Variants in B3GLCT observed in about 807,000 individuals in gnomAD.
The protein encoded by B3GLCT is beta-1,3-glucosyltransferase.
B3GLCT carries 65 observed loss-of-function variants against 63.4 expected under a neutral mutation model. The observed-to-expected ratio is 1.03, with a 90% CI of 0.84 to 1.26. The LOEUF (loss-of-function observed/expected upper bound fraction) is 1.26. B3GLCT is among the 50% of genes most tolerant of loss of function. The pLI is 0.00. For missense variants in B3GLCT, 577 were observed against 604.8 expected (o/e 0.95, Z 0.48); for synonymous variants, 233 against 219.2 (o/e 1.06, Z -0.55).
intron 4 of B3GLCT, among the ~76,000 whole-genome samples, chr13:31,243,061 A>C (rs182159175): frequency 1.2e-4 from 19 of 152,340 alleles, no homozygotes; most frequent in African/African-American, 4.6e-4. Context: ...TGTAACAATA[A>C]ACAGATGTTA....
At chr13:31,265,293 C>A (rs111396386) in intron 7 of B3GLCT, among the ~76,000 whole-genome samples, 7,068 of 152,176 alleles carry the variant, frequency 0.046, 175 homozygotes, top group Non-Finnish European at 0.051. Context: ...GACTCTGGAG[C>A]CTGTATAATT....
At chr13:31,309,435 G>A (rs374346855) in intron 12 of B3GLCT, among the ~76,000 whole-genome samples, 5 of 152,256 alleles carry the variant, frequency 3.3e-5, no homozygotes, top group African/African-American at 1.2e-4. Context: ...CAGGTTGACG[G>A]CTCAGTCCCC....
chr13:31,260,815 A>G, intron 6 of B3GLCT, 131 bp from the exon 7 acceptor site: 1 of 804,032 alleles, frequency 1.2e-6, no homozygotes, highest in Non-Finnish European at 2.0e-6. Flanking sequence ...TTCTCTAGAA[A>G]TATTTAATCT....
At chr13:31,315,767 T>G (rs1303091091) in intron 12 of B3GLCT, among the ~76,000 whole-genome samples, 2 of 152,234 alleles carry the variant, frequency 1.3e-5, no homozygotes, top group Non-Finnish European at 2.9e-5. Flanking sequence ...TCTTCACAGC[T>G]GCCCCTTTCA....
intron 7 of B3GLCT, among the ~76,000 whole-genome samples, chr13:31,264,744 C>T (rs955966589): frequency 2.0e-5 from 3 of 152,222 alleles, no homozygotes; most frequent in African/African-American, 7.2e-5. Flanking sequence ...TCAGCTGCAA[C>T]ATTGGATCTT....
intron 1 of B3GLCT, among the ~76,000 whole-genome samples, chr13:31,213,861 A>C (rs1186133974): frequency 6.6e-6 from 1 of 152,092 alleles, no homozygotes; most frequent in Non-Finnish European, 1.5e-5. Flanking sequence ...AATTGTTCAC[A>C]TAGAGGTTCA....
intron 3 of B3GLCT, among the ~76,000 whole-genome samples, chr13:31,225,265 C>A (rs932974054): frequency 2.0e-5 from 3 of 152,092 alleles, no homozygotes; most frequent in Non-Finnish European, 2.9e-5. Flanking sequence ...GAAGTGCAAC[C>A]AAGATGATAA....
chr13:31,278,382 T>C (rs1872898569), intron 10 of B3GLCT, among the ~76,000 whole-genome samples: 1 of 152,226 alleles, frequency 6.6e-6, no homozygotes, highest in African/African-American at 2.4e-5. Context: ...TGAAATCCTT[T>C]TCTGTTTGAA....
intron 1 of B3GLCT, among the ~76,000 whole-genome samples, chr13:31,201,010 TAAA>T (rs11463665): frequency 6.3e-5 from 9 of 143,408 alleles, no homozygotes; most frequent in African/African-American, 2.1e-4. Context: ...TGATAAAAGT[TAAA>T]AAAAAAAAAA....
At position 31,325,792 on chromosome 13, in the gene B3GLCT, A is replaced by G. The variant is rs892023978; in HGVS notation, c.1329+1897A>G. 3.9e-5 allele frequency among the ~76,000 whole-genome samples: 6 copies of G among 152,228 alleles called. No homozygotes were observed. In the South Asian group the frequency reaches 1.2e-3, roughly 31 times the overall value. On this transcript the variant is annotated intron_variant, in intron 14 of 14. Coordinates refer to ENST00000343307, the MANE Select transcript of B3GLCT (RefSeq NM_194318.4). The stretch of plus-strand genomic sequence containing the variant: ...CCAAACTGTGTTTGTTCATCTTCAC[A>G]AAGAAATATGAGGCAAAGAGATAAA...
At chr13:31,209,461 G>T (rs1327270651) in intron 1 of B3GLCT, among the ~76,000 whole-genome samples, 1 of 152,180 alleles carries the variant, frequency 6.6e-6, no homozygotes, top group Non-Finnish European at 1.5e-5. Flanking sequence ...TTGTAAGTAG[G>T]TCACAGGAAA....
rs1875934006 is a variant in B3GLCT, at chr13:31,331,699, G to C, written c.*2031G>C. ...GAGAAAACCATCAGAAATTGATAAT[G>C]TTTATATAAAGTTTATAAAGCCATT... On this transcript the variant is annotated 3_prime_UTR_variant, in exon 15 of 15. Transcript: ENST00000343307. 6.6e-6 allele frequency: 1 copy of C among 152,136 alleles called. No homozygotes were observed. The highest frequency in any genetic ancestry group is 1.5e-5 in the Non-Finnish European group (1 of 68,016). 9.4% of individuals were successfully genotyped at this position (152,136 alleles called of 1,614,324 possible).
rs182701540 is a variant in B3GLCT, at chr13:31,235,962, G to T, written c.270+6668G>T. Among the ~76,000 whole-genome samples the T allele has an allele frequency of 2.4e-3, 358 of 152,298 alleles. 3 individuals carry two copies. The highest frequency in any genetic ancestry group is 8.2e-3 in the African/African-American group (341 of 41,560). ...TTCTGTCACTTACTAATGCCTTCAG[G>T]ATTTATGACAGACTCTGTGTTGTTG... On this transcript the variant is annotated intron_variant, in intron 4 of 14. Transcript: ENST00000343307.
chr13:31,276,418 G>T (rs939823641), intron 9 of B3GLCT, among the ~76,000 whole-genome samples: 1 of 152,072 alleles, frequency 6.6e-6, no homozygotes, highest in Non-Finnish European at 1.5e-5. Context: ...CCTTGCAGTG[G>T]TTATTATTTT....
chr13:31,209,616 C>T (rs1011512783), intron 1 of B3GLCT, among the ~76,000 whole-genome samples: 6 of 152,122 alleles, frequency 3.9e-5, no homozygotes, highest in East Asian at 1.9e-4. Flanking sequence ...CCACAGGTAC[C>T]GGGTTTTATG....
At chr13:31,261,422 G>A (rs1872027638) in intron 7 of B3GLCT, among the ~76,000 whole-genome samples, 1 of 152,224 alleles carries the variant, frequency 6.6e-6, no homozygotes, top group Non-Finnish European at 1.5e-5. Context: ...AGCTATAGGT[G>A]TAACTTTGAT....
intron 12 of B3GLCT, among the ~76,000 whole-genome samples, chr13:31,297,561 C>A (rs1158401843): frequency 2.0e-5 from 3 of 152,066 alleles, no homozygotes; most frequent in Non-Finnish European, 4.4e-5. Flanking sequence ...AGTTCTCCTA[C>A]CCACCAAGCA....
chr13:31,256,755 C>G lies in B3GLCT; in HGVS notation c.460-4191C>G, dbSNP rs142557406. Among the ~76,000 whole-genome samples the G allele has an allele frequency of 2.3e-3, 356 of 152,238 alleles. 2 individuals carry two copies. Among genetic ancestry groups the G allele is most frequent in the African/African-American group, 7.8e-3 (323 of 41,532 alleles). On this transcript the variant is annotated intron_variant, in intron 6 of 14. Transcript: ENST00000343307. Reference sequence around the variant, plus strand: ...CATGGACACAGGGAGGGGAACATCACACACCAGAGCCTTGTGGGCGGTGGG... The same window carrying G: ...CATGGACACAGGGAGGGGAACATCAGACACCAGAGCCTTGTGGGCGGTGGG...
chr13:31,236,713 C>A (rs1245552467), intron 4 of B3GLCT, among the ~76,000 whole-genome samples: 1 of 152,130 alleles, frequency 6.6e-6, no homozygotes, highest in Non-Finnish European at 1.5e-5. Context: ...GTTGAACTGT[C>A]CAGAAAGATT....
Sources: allele counts gnomAD v4.1 joint callset (sites outside exome capture counted in the v4.1 genomes callset), GRCh38; gene constraint gnomAD v4.1.1; transcripts MANE v1.5; gene names NCBI Gene and HGNC (gene_info 2026-07-23, HGNC 2026-07-21).